The following BICD1 variants were observed in gnomAD, a reference collection of about 807,000 sequenced individuals.
The protein encoded by BICD1 is BICD cargo adaptor 1, also known as protein bicaudal D homolog 1.
In BICD1, 35 loss-of-function variants were observed where a neutral mutation model predicts 92.5. That is an observed-to-expected ratio of 0.38 (90% confidence interval 0.29 to 0.50). The LOEUF is 0.50. Ranked by LOEUF, BICD1 falls within the 20% of genes least tolerant of loss-of-function variation. The probability of loss-of-function intolerance (pLI) is 0.93; values close to 1 mark genes in which losing one functional copy is unlikely to be tolerated. For missense variants in BICD1, 950 were observed against 1,189.8 expected (o/e 0.80, Z 2.97); for synonymous variants, 429 against 465.1 (o/e 0.92, Z 1.00).
At chr12:32,135,969 GA>G (rs1942724062) in intron 1 of BICD1, among the ~76,000 whole-genome samples, 1 of 152,126 alleles carries the variant, frequency 6.6e-6, no homozygotes. Flanking sequence ...TTAAATCTTG[GA>G]ACCTATTTCT....
chr12:32,345,524 A>T (rs1231858239), intron 8 of BICD1, among the ~76,000 whole-genome samples: 3 of 152,138 alleles, frequency 2.0e-5, no homozygotes, highest in Non-Finnish European at 4.4e-5. Flanking sequence ...ATATAAAAAC[A>T]TATGCATTTT....
chr12:32,318,117 T>C (rs2136239213), intron 4 of BICD1, among the ~76,000 whole-genome samples: 1 of 152,036 alleles, frequency 6.6e-6, no homozygotes, highest in East Asian at 1.9e-4. Flanking sequence ...TACTGTAGCC[T>C]TGTAGTATAG....
intron 2 of BICD1, among the ~76,000 whole-genome samples, chr12:32,290,182 G>T (rs1431755761): frequency 8.4e-6 from 1 of 118,688 alleles, no homozygotes; most frequent in Non-Finnish European, 1.9e-5. Flanking sequence ...CATATAGTAG[G>T]TTGAAAGCAG....
At chr12:32,300,858 A>G (rs1426702455) in intron 3 of BICD1, among the ~76,000 whole-genome samples, 1 of 151,140 alleles carries the variant, frequency 6.6e-6, no homozygotes, top group Non-Finnish European at 1.5e-5. Context: ...TCACTGTGTT[A>G]GCCAGTATGG....
intron 1 of BICD1, among the ~76,000 whole-genome samples, chr12:32,187,107 C>T (rs1298839614): frequency 6.6e-6 from 1 of 152,122 alleles, no homozygotes; most frequent in Non-Finnish European, 1.5e-5. Flanking sequence ...GACTTTAGGT[C>T]AGGTCTTTTC....
chr12:32,117,711 TACACACAC>T (rs747943737), intron 1 of BICD1, among the ~76,000 whole-genome samples: 4 of 117,024 alleles, frequency 3.4e-5, no homozygotes, highest in Admixed American at 1.0e-4. Context: ...CAAATATATA[TACACACAC>T]ACACACACAC....
Position 32,344,531 on chromosome 12 carries a change from G to T in BICD1, c.2764+5552G>T, listed in dbSNP as rs547429030. On this transcript the variant is annotated intron_variant, in intron 8 of 9. Coordinates refer to ENST00000652176, the MANE Select transcript of BICD1 (RefSeq NM_001714.4). Reference sequence around the variant, plus strand: ...CATCGAAGATAAAGAAGCAGGTACAGAGACTCATAAAATATGCAGATGAGA... The same window carrying T: ...CATCGAAGATAAAGAAGCAGGTACATAGACTCATAAAATATGCAGATGAGA... Among the ~76,000 whole-genome samples the T allele has an allele frequency of 3.9e-5, 6 of 152,310 alleles. No homozygotes were observed. In the South Asian group the frequency reaches 1.2e-3, roughly 32 times the overall value.
At chr12:32,377,440 G>A (rs1000007423) in intron 9 of BICD1, 100 bp from the exon 10 acceptor site, 4 of 929,642 alleles carry the variant, frequency 4.3e-6, no homozygotes, top group Non-Finnish European at 3.5e-6. Flanking sequence ...TTCTGTTCTT[G>A]TTCTCAAAAT....
intron 1 of BICD1, among the ~76,000 whole-genome samples, chr12:32,215,099 G>A (rs1461067604): frequency 6.6e-6 from 1 of 152,038 alleles, no homozygotes; most frequent in African/African-American, 2.4e-5. Context: ...CATGGTGATG[G>A]GCGTCTGTAA....
Position 32,247,455 on chromosome 12 carries a change from A to G in BICD1, c.426+30996A>G, listed in dbSNP as rs532710697. Among the ~76,000 whole-genome samples the G allele has an allele frequency of 5.3e-5, 8 of 152,186 alleles. No individual in the cohort carries two copies. The South Asian group carries it at 1.7e-3, about 32-fold the overall frequency. On this transcript the variant is annotated intron_variant, in intron 2 of 9. Transcript: ENST00000652176. Reference sequence around the variant, plus strand: ...CAGCCTCAGACACTCTGGTGTACAGAAGCAGGTAGAGAAAAGGAGAAACCA... The same window carrying G: ...CAGCCTCAGACACTCTGGTGTACAGGAGCAGGTAGAGAAAAGGAGAAACCA...
intron 8 of BICD1, among the ~76,000 whole-genome samples, chr12:32,360,504 G>C (rs565776253): frequency 3.3e-5 from 5 of 152,114 alleles, no homozygotes; most frequent in Admixed American, 2.6e-4. Flanking sequence ...TATAGAATGG[G>C]GATTGTTAAA....
chr12:32,367,892 C>A, intron 9 of BICD1, 147 bp downstream of exon 9: 1 of 698,372 alleles, frequency 1.4e-6, no homozygotes, highest in East Asian at 2.8e-5. Flanking sequence ...ACACATTGGA[C>A]ACCTGCAGTC....
At chr12:32,340,664 ATTG>A (rs1424228691) in intron 8 of BICD1, 6 of 349,668 alleles carry the variant, frequency 1.7e-5, no homozygotes, top group Non-Finnish European at 2.4e-5. Context: ...TATACTTTAT[ATTG>A]TTATCATTAC....
chr12:32,216,148 T>C, intron 1 of BICD1, 99 bp from the exon 2 acceptor site: 1 of 1,253,034 alleles, frequency 8.0e-7, no homozygotes, highest in Non-Finnish European at 1.1e-6. Flanking sequence ...GGGTAGCTTT[T>C]CTTACACATA....
chr12:32,268,036 C>T (rs1175963014), intron 2 of BICD1, among the ~76,000 whole-genome samples: 1 of 152,178 alleles, frequency 6.6e-6, no homozygotes, highest in Non-Finnish European at 1.5e-5. Context: ...AACTCCTGGC[C>T]TTCCTCCCAC....
chr12:32,229,871 A>AAG (rs1945821110), intron 2 of BICD1, among the ~76,000 whole-genome samples: 2 of 152,196 alleles, frequency 1.3e-5, no homozygotes, highest in African/African-American at 4.8e-5. Flanking sequence ...TTAATGATGT[A>AAG]AGAAGGAAAG....
At chr12:32,122,092 A>G (rs1942174840) in intron 1 of BICD1, among the ~76,000 whole-genome samples, 1 of 152,164 alleles carries the variant, frequency 6.6e-6, no homozygotes, top group African/African-American at 2.4e-5. Flanking sequence ...CTGGGATTAC[A>G]GGTGTGTACC....
intron 3 of BICD1, among the ~76,000 whole-genome samples, chr12:32,304,566 A>G (rs1948159901): frequency 6.6e-6 from 1 of 152,200 alleles, no homozygotes; most frequent in South Asian, 2.1e-4. Flanking sequence ...TGGAGATAAA[A>G]TGTTTCTTAA....
At chr12:32,114,918 AAC>A (rs764274652) in intron 1 of BICD1, among the ~76,000 whole-genome samples, 5 of 152,254 alleles carry the variant, frequency 3.3e-5, no homozygotes, top group African/African-American at 1.2e-4. Flanking sequence ...GGCTGGGAGC[AAC>A]AGTCCTCACT....
Sources: gnomAD v4.1 joint callset for allele counts (sites outside exome capture counted in the v4.1 genomes callset) on GRCh38, gnomAD v4.1.1 for gene constraint, MANE v1.5 for transcripts, NCBI Gene and HGNC (gene_info 2026-07-23, HGNC 2026-07-21) for gene names.